Variants in CCDC102B observed in about 807,000 individuals in gnomAD.
CCDC102B encodes the protein coiled-coil domain containing 102B.
In CCDC102B, 75 loss-of-function variants were observed where a neutral mutation model predicts 57.4. The observed-to-expected ratio is 1.31, with a 90% CI of 1.08 to 1.58. The LOEUF is 1.58. Among genes scored for constraint, CCDC102B ranks in the 40% most tolerant of loss-of-function variants. CCDC102B has a pLI of 0.00. For synonymous variants in CCDC102B, 206 were observed against 201.9 expected (o/e 1.02, Z -0.17); for missense variants, 636 against 582.6 (o/e 1.09, Z -0.94).
At chr18:68,897,826 G>A (rs932868320) in intron 6 of CCDC102B, 9 of 327,476 alleles carry the variant, frequency 2.7e-5, no homozygotes, top group African/African-American at 2.0e-4. Flanking sequence ...GCTATGGTAA[G>A]TATCTGCATA....
At chr18:68,740,972 G>A (rs1039916931) in intron 2 of CCDC102B, among the ~76,000 whole-genome samples, 2 of 152,088 alleles carry the variant, frequency 1.3e-5, no homozygotes, top group Non-Finnish European at 2.9e-5. Context: ...TCAATGCCTG[G>A]CACTCATGTT....
chr18:68,883,644 A>G (rs2039772515), intron 5 of CCDC102B, among the ~76,000 whole-genome samples: 1 of 152,172 alleles, frequency 6.6e-6, no homozygotes, highest in South Asian at 2.1e-4. Context: ...AAACTAAACC[A>G]TTGTGCGTGC....
chr18:68,993,687 T>C (rs1289901292), intron 6 of CCDC102B, among the ~76,000 whole-genome samples: 2 of 152,232 alleles, frequency 1.3e-5, no homozygotes, highest in African/African-American at 2.4e-5. Flanking sequence ...TTAAATGTTA[T>C]AGGAACCACT....
intron 6 of CCDC102B, among the ~76,000 whole-genome samples, chr18:68,936,263 G>A (rs1350806105): frequency 2.0e-5 from 3 of 151,786 alleles, no homozygotes; most frequent in African/African-American, 2.4e-5. Flanking sequence ...GTTGTATAGC[G>A]GTTATTCAGC....
chr18:69,039,455 C>T (rs1042981460), intron 7 of CCDC102B, among the ~76,000 whole-genome samples: 1 of 151,858 alleles, frequency 6.6e-6, no homozygotes, highest in African/African-American at 2.4e-5. Flanking sequence ...CTAAAATAAA[C>T]ATCTATTCTA....
intron 2 of CCDC102B, among the ~76,000 whole-genome samples, chr18:68,729,699 C>T (rs896259593): frequency 1.3e-5 from 2 of 152,088 alleles, no homozygotes; most frequent in Non-Finnish European, 2.9e-5. Context: ...ACATGAAAGT[C>T]TTGATAAGAA....
chr18:68,986,577 GA>G (rs1332280424), intron 6 of CCDC102B, among the ~76,000 whole-genome samples: 1 of 151,966 alleles, frequency 6.6e-6, no homozygotes, highest in African/African-American at 2.4e-5. Flanking sequence ...CTTGAGAACT[GA>G]AACAAGACAG....
chr18:68,808,680 G>A (rs757602510), intron 1 of CCDC102B, among the ~76,000 whole-genome samples: 6 of 151,926 alleles, frequency 3.9e-5, no homozygotes, highest in East Asian at 1.9e-4. Context: ...GGGTTTCACC[G>A]TATTAGCCAG....
chr18:68,776,255 A>C (rs2034811857), intron 2 of CCDC102B, among the ~76,000 whole-genome samples: 1 of 152,202 alleles, frequency 6.6e-6, no homozygotes, highest in Non-Finnish European at 1.5e-5. Context: ...TGAAAATTTC[A>C]ATCATTTAGT....
At chr18:68,907,546 C>T (rs1477044398) in intron 6 of CCDC102B, among the ~76,000 whole-genome samples, 1 of 152,114 alleles carries the variant, frequency 6.6e-6, no homozygotes, top group African/African-American at 2.4e-5. Context: ...TTCGTTCTTT[C>T]AGGTGTACTT....
At chr18:68,976,381 A>T (rs1485910793) in intron 6 of CCDC102B, among the ~76,000 whole-genome samples, 1 of 152,006 alleles carries the variant, frequency 6.6e-6, no homozygotes, top group Non-Finnish European at 1.5e-5. Context: ...AAAATATTAC[A>T]TATATGAAAA....
intron 7 of CCDC102B, among the ~76,000 whole-genome samples, chr18:69,040,585 C>A (rs1407557535): frequency 6.6e-6 from 1 of 151,894 alleles, no homozygotes; most frequent in Non-Finnish European, 1.5e-5. Flanking sequence ...GACAGAAATT[C>A]TTGAATCGGT....
At chr18:68,838,982 T>G in intron 3 of CCDC102B, 56 bp downstream of exon 3, 1 of 1,340,324 alleles carries the variant, frequency 7.5e-7, no homozygotes, top group African/African-American at 1.4e-5. Context: ...TCACTTAAAA[T>G]TGTTAATACA....
chr18:68,829,658 A>G (rs1599529168), intron 1 of CCDC102B, among the ~76,000 whole-genome samples: 2 of 152,094 alleles, frequency 1.3e-5, no homozygotes, highest in South Asian at 4.1e-4. Flanking sequence ...CATTTCACTG[A>G]CATAAAGAGC....
At chr18:68,739,320 A>G (rs1266526410) in intron 2 of CCDC102B, among the ~76,000 whole-genome samples, 4 of 152,102 alleles carry the variant, frequency 2.6e-5, no homozygotes, top group Non-Finnish European at 5.9e-5. Flanking sequence ...TGTTTTTGAT[A>G]TGCACCGAAA....
chr18:69,050,792 A>G (rs1217143387), intron 7 of CCDC102B, among the ~76,000 whole-genome samples: 1 of 152,192 alleles, frequency 6.6e-6, no homozygotes, highest in Admixed American at 6.6e-5. Context: ...AGTTTATTTT[A>G]AAATACCTTA....
At chr18:68,994,583 C>T (rs2050967275) in intron 6 of CCDC102B, among the ~76,000 whole-genome samples, 1 of 151,774 alleles carries the variant, frequency 6.6e-6, no homozygotes, top group Admixed American at 6.6e-5. Flanking sequence ...AGTGTTTTCG[C>T]CCTTGTGGTT....
At chr18:68,922,407 G>C (rs2041313088) in intron 6 of CCDC102B, among the ~76,000 whole-genome samples, 2 of 152,092 alleles carry the variant, frequency 1.3e-5, no homozygotes, top group Non-Finnish European at 2.9e-5. Flanking sequence ...ATTTGTTTAG[G>C]CCTCAAGAAC....
chr18:68,717,188 G>A (rs1000785740), intron 2 of CCDC102B, among the ~76,000 whole-genome samples: 2 of 152,104 alleles, frequency 1.3e-5, no homozygotes, highest in South Asian at 2.1e-4. Context: ...AGGTTGCAGC[G>A]AGGTGTGATC....
Sources: allele counts gnomAD v4.1 joint callset (sites outside exome capture counted in the v4.1 genomes callset), GRCh38; gene constraint gnomAD v4.1.1; transcripts MANE v1.5; gene names NCBI Gene and HGNC (gene_info 2026-07-23, HGNC 2026-07-21).